Variants in INSYN2B observed in about 807,000 individuals in gnomAD.
INSYN2B encodes the protein inhibitory synaptic factor family member 2B, also known as protein INSYN2B.
A neutral mutation model predicts 41.2 loss-of-function variants in INSYN2B; 16 were observed. That is an observed-to-expected ratio of 0.39 (90% CI 0.26 to 0.59). The LOEUF is 0.59. INSYN2B is among the 20% of genes least tolerant of loss of function. The probability of loss-of-function intolerance (pLI) is 0.57; values close to 1 mark genes in which losing one functional copy is unlikely to be tolerated. For synonymous variants in INSYN2B, 245 were observed against 244.4 expected (o/e 1.00, Z -0.02); for missense variants, 608 against 646.4 (o/e 0.94, Z 0.64).
intron 1 of INSYN2B, among the ~76,000 whole-genome samples, chr5:169,916,212 C>T (rs1193949411): frequency 1.1e-4 from 16 of 152,178 alleles, no homozygotes; most frequent in African/African-American, 3.9e-4. Context: ...GGGATTCATA[C>T]GGAACCTCTT....
chr5:169,881,470 A>G (rs1318790743), intron 2 of INSYN2B, 28 bp from the exon 3 acceptor site: 3 of 1,543,220 alleles, frequency 1.9e-6, no homozygotes, highest in Non-Finnish European at 1.8e-6. Flanking sequence ...TGCTGGATAA[A>G]TCTATGGGCA....
intron 1 of INSYN2B, among the ~76,000 whole-genome samples, chr5:169,889,120 A>G (rs1283694022): frequency 2.6e-5 from 4 of 152,224 alleles, no homozygotes; most frequent in African/African-American, 9.6e-5. Context: ...AAACTCTTGT[A>G]AAACAAATGA....
intron 1 of INSYN2B, among the ~76,000 whole-genome samples, chr5:169,897,224 C>A (rs535738649): frequency 6.6e-6 from 1 of 152,158 alleles, no homozygotes; most frequent in East Asian, 1.9e-4. Context: ...CTTGCTCTGC[C>A]ACCAGGCTGG....
chr5:169,864,254 G>T lies in INSYN2B; in HGVS notation c.*19C>A, dbSNP rs766284277. 1.7e-4 allele frequency: 258 copies of T among 1,549,974 alleles called. No individual in the cohort carries two copies. The African/African-American group carries it at 3.1e-3, about 19-fold the overall frequency. The stretch of plus-strand genomic sequence containing the variant: ...GGAAGTGCGTGGAGTTGGGGGGCTG[G>T]GGGATGGTCCCAACCAGCTCAGATC... On this transcript the variant is annotated 3_prime_UTR_variant, in exon 4 of 4. Coordinates refer to ENST00000377365, the MANE Select transcript of INSYN2B (RefSeq NM_001129891.3).
intron 3 of INSYN2B, among the ~76,000 whole-genome samples, chr5:169,870,289 T>C (rs965062971): frequency 6.6e-6 from 1 of 152,220 alleles, no homozygotes; most frequent in Non-Finnish European, 1.5e-5. Context: ...CCAGCCATCA[T>C]GCTCGCTGAA....
chr5:169,877,467 A>G (rs1411471988), intron 3 of INSYN2B, among the ~76,000 whole-genome samples: 2 of 152,234 alleles, frequency 1.3e-5, no homozygotes, highest in Non-Finnish European at 2.9e-5. Context: ...CTTATTTGGC[A>G]TATGAAGAGA....
Position 169,884,581 on chromosome 5 carries a change from G to GA in INSYN2B, c.-684dup, listed in dbSNP as rs1772861138. 6.6e-6 allele frequency: 1 copy of GA among 152,174 alleles called. No homozygotes were observed. The highest frequency in any genetic ancestry group is 2.4e-5 in the African/African-American group (1 of 41,440). 9.4% of individuals were successfully genotyped at this position (152,174 alleles called of 1,614,324 possible). On this transcript the variant is annotated 5_prime_UTR_variant, in exon 2 of 4. Coordinates refer to ENST00000377365, the MANE Select transcript of INSYN2B (RefSeq NM_001129891.3). ...GCTGTCTCTCTTTTCTTCAGTGAGGGAAACTTATCTTCCTAAATAGCCTCA... is the reference window on the plus strand; with the variant it reads ...GCTGTCTCTCTTTTCTTCAGTGAGGGAAAACTTATCTTCCTAAATAGCCTCA...
intron 1 of INSYN2B, among the ~76,000 whole-genome samples, chr5:169,944,810 G>A (rs912337888): frequency 1.4e-4 from 21 of 152,174 alleles, no homozygotes; most frequent in Non-Finnish European, 2.5e-4. Context: ...AAAGCTGAAC[G>A]GTTTCTGACC....
chr5:169,864,434 C>T lies in INSYN2B; in HGVS notation c.1447G>A (p.Glu483Lys). 1 of 1,546,494 alleles carries T rather than the reference C, an allele frequency of 6.5e-7. No individual in the cohort carries two copies. Among genetic ancestry groups the T allele is most frequent in the Non-Finnish European group, 8.7e-7 (1 of 1,144,688 alleles). ...TGCAAAACTTCATGGAACCTGCCTT[C>T]CTGCTGCCGAAAATCATACTCTACA... is the stretch of plus-strand genomic sequence containing the variant. ...YSVEYDFRQQ[E>K]GRFHEVLQSL... Residue 483 changes from glutamate (E) to lysine (K), a missense_variant, in exon 4 of 4, where the codon GAA (glutamate) becomes AAA (lysine). Glu to Lys is a moderately conservative substitution (Grantham distance 56, BLOSUM62 1). Transcript: ENST00000377365.
At chr5:169,929,878 A>G (rs1279987079) in intron 1 of INSYN2B, among the ~76,000 whole-genome samples, 1 of 152,176 alleles carries the variant, frequency 6.6e-6, no homozygotes, top group East Asian at 1.9e-4. Flanking sequence ...TTGTGCTCCA[A>G]TATGGTAGCC....
chr5:169,890,935 C>G (rs1433495195), intron 1 of INSYN2B, among the ~76,000 whole-genome samples: 1 of 152,134 alleles, frequency 6.6e-6, no homozygotes, highest in African/African-American at 2.4e-5. Context: ...TTAATCAGAT[C>G]ACATCAGGCC....
chr5:169,969,479 C>T (rs1028199838), intron 1 of INSYN2B, among the ~76,000 whole-genome samples: 4 of 152,112 alleles, frequency 2.6e-5, no homozygotes, highest in Non-Finnish European at 4.4e-5. Context: ...ATGAATTGGA[C>T]TTCATTTGTG....
At chr5:169,881,592 CACG>C (rs1772657573) in intron 2 of INSYN2B, 150 bp from the exon 3 acceptor site, 1 of 650,438 alleles carries the variant, frequency 1.5e-6, no homozygotes, top group Non-Finnish European at 2.8e-6. Context: ...ACAAGAATGT[CACG>C]ACAATAGGAG....
At position 169,864,176 on chromosome 5, in the gene INSYN2B, G is replaced by T; in HGVS notation, c.*97C>A. On this transcript the variant is annotated 3_prime_UTR_variant, in exon 4 of 4. Transcript: ENST00000377365. ...CAGGCCAAGGGGCTCACAGCCCAGG[G>T]CCTTTGCAAAGAAGCAGGGCAGGCC... is the stretch of plus-strand genomic sequence containing the variant. The T allele has an allele frequency of 9.0e-7, 1 of 1,106,222 alleles. No homozygotes were observed. Among genetic ancestry groups the T allele is most frequent in the Non-Finnish European group, 1.3e-6 (1 of 753,032 alleles). The allele number at this position is 1,106,222 out of a possible 1,614,324, so 68.5% of individuals were successfully genotyped here. A position where few individuals can be genotyped will look rare whatever the true frequency, so the allele number is the denominator to read the frequency against.
Position 169,883,927 on chromosome 5 carries a change from T to C in INSYN2B, c.-29A>G. 2 of 1,460,110 alleles carry C rather than the reference T, an allele frequency of 1.4e-6. No individual in the cohort carries two copies. Among genetic ancestry groups the C allele is most frequent in the Non-Finnish European group, 1.8e-6 (2 of 1,102,866 alleles). The allele number at this position is 1,460,110 out of a possible 1,614,324, so 90.4% of individuals were successfully genotyped here. On this transcript the variant is annotated 5_prime_UTR_variant, in exon 2 of 4. The change abolishes an upstream ATG in the 5' untranslated region. Transcript: ENST00000377365. ...GCCTCAGTGGGAAGGATCAGGACCA[T>C]ACACTTCTCCTAGGCACATCTCCCC...
At chr5:169,872,499 A>G (rs1772043731) in intron 3 of INSYN2B, among the ~76,000 whole-genome samples, 1 of 152,150 alleles carries the variant, frequency 6.6e-6, no homozygotes, top group Admixed American at 6.5e-5. Context: ...TGGCAAGTCT[A>G]CCCCTTCTCC....
chr5:169,905,733 C>A (rs1160533685), intron 1 of INSYN2B, among the ~76,000 whole-genome samples: 1 of 152,124 alleles, frequency 6.6e-6, no homozygotes, highest in Non-Finnish European at 1.5e-5. Context: ...GCGTCTGCAC[C>A]CAGGAACTGC....
At chr5:169,951,564 T>C (rs1265982337) in intron 1 of INSYN2B, among the ~76,000 whole-genome samples, 2 of 152,210 alleles carry the variant, frequency 1.3e-5, no homozygotes, top group African/African-American at 2.4e-5. Flanking sequence ...GATCACACCC[T>C]GATCAGACCA....
chr5:169,909,676 A>T (rs772702892), intron 1 of INSYN2B, among the ~76,000 whole-genome samples: 1 of 152,218 alleles, frequency 6.6e-6, no homozygotes, highest in Non-Finnish European at 1.5e-5. Context: ...TAAACCTATA[A>T]TACATCTACT....
Sources: gnomAD v4.1 joint callset for allele counts (sites outside exome capture counted in the v4.1 genomes callset) on GRCh38, gnomAD v4.1.1 for gene constraint, MANE v1.5 for transcripts, NCBI Gene and HGNC (gene_info 2026-07-23, HGNC 2026-07-21) for gene names.